Variants in STIP1 observed in about 807,000 individuals in gnomAD.
STIP1 encodes the protein stress-induced-phosphoprotein 1.
In STIP1, 16 loss-of-function variants were observed where a neutral mutation model predicts 77.4. That is an observed-to-expected ratio of 0.21 (90% confidence interval 0.14 to 0.31). STIP1 has a LOEUF of 0.31. Among genes scored for constraint, STIP1 ranks in the 10% least tolerant of loss-of-function variants. STIP1 has a pLI of 1.00. For missense variants in STIP1, 524 were observed against 684.8 expected (o/e 0.77, Z 2.62); for synonymous variants, 258 against 246.6 (o/e 1.05, Z -0.44).
intron 6 of STIP1, 23 bp downstream of exon 6, chr11:64,197,420 A>G (rs1946162969): frequency 6.2e-7 from 1 of 1,614,118 alleles, no homozygotes; most frequent in Non-Finnish European, 8.5e-7. Flanking sequence ...AACAAGGGGC[A>G]AGGGAATTGT....
Position 64,187,377 on chromosome 11 carries a change from GACAA to G in STIP1, c.9+1108_9+1111del, listed in dbSNP as rs542385565. Among the ~76,000 whole-genome samples the G allele has an allele frequency of 2.6e-3, 401 of 151,960 alleles. 1 individual carries two copies. The highest frequency in any genetic ancestry group is 0.01 in the South Asian group (48 of 4,800). On this transcript the variant is annotated intron_variant, in intron 1 of 13. Transcript: ENST00000305218. ...CTCCGGGCCCATAACACTTGGGGGT[GACAA>G]TTCTGAAACTATACCTGGTATCTGG...
At chr11:64,195,860 G>C (rs2134796104) in intron 5 of STIP1, 47 bp downstream of exon 5, 1 of 1,611,108 alleles carries the variant, frequency 6.2e-7, no homozygotes, top group East Asian at 2.2e-5. Flanking sequence ...TAAACAACTA[G>C]AAATCTTTAT....
Position 64,186,376 on chromosome 11 carries a change from T to G in STIP1, c.9+106T>G. On this transcript the variant is annotated intron_variant, in intron 1 of 13. Transcript: ENST00000305218. The stretch of plus-strand genomic sequence containing the variant: ...GGCGCCGGATCCAGGAGACCGGAGC[T>G]CGGCGCTGGGGCCGGACGGGGCGGC... 3.7e-5 allele frequency: 20 copies of G among 537,858 alleles called. 1 individual carries two copies. The highest frequency in any genetic ancestry group is 4.7e-5 in the Non-Finnish European group (18 of 383,740). 33.3% of individuals were successfully genotyped at this position (537,858 alleles called of 1,614,324 possible). A position where few individuals can be genotyped will look rare whatever the true frequency, so the allele number is the denominator to read the frequency against.
upstream of STIP1, chr11:64,185,921 C>G (rs1443033443): frequency 6.5e-7 from 1 of 1,536,276 alleles, no homozygotes; most frequent in South Asian, 1.2e-5. Flanking sequence ...GTGCAAAAGA[C>G]CAATCCGTGT....
intron 1 of STIP1, among the ~76,000 whole-genome samples, chr11:64,189,402 C>A (rs1946065861): frequency 6.6e-6 from 1 of 152,082 alleles, no homozygotes; most frequent in African/African-American, 2.4e-5. Flanking sequence ...TGGTGCGCGC[C>A]TGTGGTCCCA....
rs759065392 is a variant in STIP1, at chr11:64,194,514, C to T, written c.397C>T (p.Leu133=). The part of the protein sequence containing the change: ...KFMNPFNMPN[L]YQKLESDPRT... The stretch of plus-strand genomic sequence containing the variant: ...CATGAACCCTTTCAACATGCCTAAT[C>T]TGTATCAGAAGTTGGAGAGTGATCC... Residue 133 remains leucine, a synonymous_variant, in exon 4 of 14, where the codon CTG becomes TTG. Coordinates refer to ENST00000305218, the MANE Select transcript of STIP1 (RefSeq NM_006819.3). 6.2e-7 allele frequency: 1 copy of T among 1,614,188 alleles called. No individual in the cohort carries two copies. Among genetic ancestry groups the T allele is most frequent in the Non-Finnish European group, 8.5e-7 (1 of 1,180,040 alleles).
rs561212314 is a variant in STIP1, at chr11:64,192,418, C to T, written c.10-660C>T. Reference sequence around the variant, plus strand: ...ACAGTAGCATTTCTTCATCCTCCATCCCCTTTGTAATGTAATATTTAAGAA... The same window carrying T: ...ACAGTAGCATTTCTTCATCCTCCATTCCCTTTGTAATGTAATATTTAAGAA... On this transcript the variant is annotated intron_variant, in intron 1 of 13. Transcript: ENST00000305218. Among the ~76,000 whole-genome samples the T allele has an allele frequency of 2.6e-5, 4 of 152,350 alleles. No individual in the cohort carries two copies. In the East Asian group the frequency reaches 5.8e-4, roughly 22 times the overall value.
chr11:64,201,524 C>T (rs1946219789), intron 10 of STIP1, among the ~76,000 whole-genome samples: 1 of 152,192 alleles, frequency 6.6e-6, no homozygotes, highest in Non-Finnish European at 1.5e-5. Flanking sequence ...CTGCCTCTAT[C>T]AGCAGTTTTT....
chr11:64,200,313 C>T lies in STIP1; in HGVS notation c.1245+20C>T, dbSNP rs370400549. 2.9e-5 allele frequency: 46 copies of T among 1,591,610 alleles called. No homozygotes were observed. The highest frequency in any genetic ancestry group is 6.8e-5 in the African/African-American group (5 of 73,462). ...CTCAAGGTGACGAGACCTGTGGGGGCGGCCATTACTGAAAGCCTGCACATG... is the reference window on the plus strand; with the variant it reads ...CTCAAGGTGACGAGACCTGTGGGGGTGGCCATTACTGAAAGCCTGCACATG... On this transcript the variant is annotated intron_variant, in intron 10 of 13. Coordinates refer to ENST00000305218, the MANE Select transcript of STIP1 (RefSeq NM_006819.3).
intron 1 of STIP1, among the ~76,000 whole-genome samples, chr11:64,192,205 T>C (rs1423237867): frequency 2.0e-5 from 3 of 152,146 alleles, no homozygotes; most frequent in Admixed American, 1.3e-4. Flanking sequence ...TCCCAGCTAC[T>C]TGGGAGGCTG....
intron 3 of STIP1, 29 bp from the exon 4 acceptor site, chr11:64,194,450 T>C: frequency 6.2e-7 from 1 of 1,613,696 alleles, no homozygotes; most frequent in Non-Finnish European, 8.5e-7. Context: ...ACTCATTTCA[T>C]AGTGATGTGC....
At chr11:64,189,363 A>T (rs539842822) in intron 1 of STIP1, among the ~76,000 whole-genome samples, 7 of 152,126 alleles carry the variant, frequency 4.6e-5, no homozygotes, top group Admixed American at 1.3e-4. Context: ...CGTCTCAAAA[A>T]AAAAAAATAA....
At chr11:64,189,861 T>C (rs1946071931) in intron 1 of STIP1, among the ~76,000 whole-genome samples, 1 of 152,192 alleles carries the variant, frequency 6.6e-6, no homozygotes, top group Non-Finnish European at 1.5e-5. Flanking sequence ...CTCTTCGTCT[T>C]CTGGCCTCCA....
chr11:64,189,371 TAAATA>T (rs1946065381), intron 1 of STIP1, among the ~76,000 whole-genome samples: 1 of 147,622 alleles, frequency 6.8e-6, no homozygotes, highest in Non-Finnish European at 1.5e-5. Context: ...AAAAAAAAAA[TAAATA>T]AATAAGCGGA....
chr11:64,187,561 GCTTC>G (rs1946038567), intron 1 of STIP1, among the ~76,000 whole-genome samples: 1 of 152,148 alleles, frequency 6.6e-6, no homozygotes, highest in South Asian at 2.1e-4. Context: ...CAAAGCTCGA[GCTTC>G]CTTGCTGTAT....
intron 1 of STIP1, among the ~76,000 whole-genome samples, chr11:64,192,725 T>C (rs1462754739): frequency 1.3e-5 from 2 of 152,210 alleles, no homozygotes; most frequent in Non-Finnish European, 2.9e-5. Context: ...GTCATTTGGA[T>C]GCTTTGGAAA....
chr11:64,190,001 C>CTTTTTTTTT (rs149110413), intron 1 of STIP1, among the ~76,000 whole-genome samples: 1 of 147,462 alleles, frequency 6.8e-6, no homozygotes, highest in African/African-American at 2.5e-5. Flanking sequence ...AATCATTTCT[C>CTTTTTTTTT]TCTTTTTTTT....
At position 64,195,819 on chromosome 11, in the gene STIP1, G is replaced by A. The variant is rs759661239; in HGVS notation, c.672+6G>A. 1.9e-6 allele frequency: 3 copies of A among 1,613,964 alleles called. No homozygotes were observed. The highest frequency in any genetic ancestry group is 2.5e-6 in the Non-Finnish European group (3 of 1,179,978). On this transcript the variant is annotated splice_donor_region_variant and intron_variant, in intron 5 of 13. Transcript: ENST00000305218. ...TTCCAGAGAATAAGAAGCAGGTCTT[G>A]TTTTTTTCTCTCCTCACTGTCACCT...
At chr11:64,189,977 T>C (rs542384515) in intron 1 of STIP1, among the ~76,000 whole-genome samples, 1 of 152,084 alleles carries the variant, frequency 6.6e-6, no homozygotes, top group Non-Finnish European at 1.5e-5. Flanking sequence ...GATCTCTCTA[T>C]TTGAGGATTC....
Sources: gnomAD v4.1 joint callset for allele counts (sites outside exome capture counted in the v4.1 genomes callset) on GRCh38, gnomAD v4.1.1 for gene constraint, MANE v1.5 for transcripts, NCBI Gene and HGNC (gene_info 2026-07-23, HGNC 2026-07-21) for gene names.